The following COBL variants were observed in gnomAD, a reference collection of about 807,000 sequenced individuals.
COBL encodes cordon-bleu WH2 repeat protein, also known as protein cordon-bleu.
In COBL, 51 loss-of-function variants were observed where a neutral mutation model predicts 98.8. That is an observed-to-expected ratio of 0.52 (90% CI 0.41 to 0.65). The LOEUF (loss-of-function observed/expected upper bound fraction) is 0.65, where lower values mean the gene tolerates loss of function less well. Among genes scored for constraint, COBL ranks in the 30% least tolerant of loss-of-function variants. The pLI is 0.00. For missense variants in COBL, 1,617 were observed against 1,617.5 expected, an observed-to-expected ratio of 1.00 and a Z score of 0.01; for synonymous variants, 634 against 651.7, an observed-to-expected ratio of 0.97 and a Z score of 0.41.
At chr7:51,106,745 T>C in intron 6 of COBL, among the ~76,000 whole-genome samples, 1 of 152,172 alleles carries the variant, frequency 6.6e-6, no homozygotes, top group African/African-American at 2.4e-5. Context: ...TCTTCACAGG[T>C]GGGCACAGGC....
At chr7:51,189,408 C>T (rs1025416735) in intron 4 of COBL, among the ~76,000 whole-genome samples, 4 of 152,018 alleles carry the variant, frequency 2.6e-5, no homozygotes, top group South Asian at 2.1e-4. Context: ...CCAAGGCAGG[C>T]GGATCACCTG....
At chr7:51,054,704 T>G (rs1413469712) in intron 7 of COBL, among the ~76,000 whole-genome samples, 1 of 152,152 alleles carries the variant, frequency 6.6e-6, no homozygotes, top group Non-Finnish European at 1.5e-5. Flanking sequence ...CAGCTCTCCC[T>G]CACGCTTCTG....
chr7:51,224,616 A>T (rs1446866947), intron 1 of COBL, among the ~76,000 whole-genome samples: 1 of 152,136 alleles, frequency 6.6e-6, no homozygotes, highest in Non-Finnish European at 1.5e-5. Context: ...ACGCTAAAAC[A>T]GCATGCCCGG....
intron 5 of COBL, among the ~76,000 whole-genome samples, chr7:51,144,087 C>A (rs538898708): frequency 1.3e-4 from 20 of 152,066 alleles, no homozygotes; most frequent in Non-Finnish European, 2.8e-4. Context: ...TGGGACTGTC[C>A]CAGGCTAGCA....
Position 51,233,225 on chromosome 7 carries a change from T to G in COBL, c.42-13281A>C, listed in dbSNP as rs1431772049. Among the ~76,000 whole-genome samples, 24 of 152,348 alleles carry G rather than the reference T, an allele frequency of 1.6e-4. No individual in the cohort carries two copies. The East Asian group carries it at 4.6e-3, about 29-fold the overall frequency. On this transcript the variant is annotated intron_variant, in intron 1 of 12. Coordinates refer to ENST00000265136, the MANE Select transcript of COBL (RefSeq NM_015198.5). ...TCCATGAGCATCTGCAGAGACAGGC[T>G]GGCCAAATCAGTGCTGCCTTCAGCT...
intron 6 of COBL, among the ~76,000 whole-genome samples, chr7:51,112,469 C>G (rs1046205586): frequency 6.6e-6 from 1 of 152,200 alleles, no homozygotes; most frequent in Non-Finnish European, 1.5e-5. Context: ...GATCAATGAG[C>G]ACTGTTTCCT....
At chr7:51,117,451 C>T (rs896734525) in intron 6 of COBL, among the ~76,000 whole-genome samples, 3 of 152,018 alleles carry the variant, frequency 2.0e-5, no homozygotes, top group African/African-American at 7.2e-5. Context: ...TTCAACTTCA[C>T]TGCCTTTTTC....
Position 51,106,999 on chromosome 7 carries a change from T to C in COBL, c.958-21695A>G, listed in dbSNP as rs529496750. 1.9e-4 allele frequency among the ~76,000 whole-genome samples: 29 copies of C among 152,102 alleles called. No homozygotes were observed. In the South Asian group the frequency reaches 6.0e-3, roughly 32 times the overall value. Reference sequence around the variant, plus strand: ...TTATGATACAAAGTTGATGTTATGATCTGTAAATACAATGTAGAATAATTA... The same window carrying C: ...TTATGATACAAAGTTGATGTTATGACCTGTAAATACAATGTAGAATAATTA... On this transcript the variant is annotated intron_variant, in intron 6 of 12. Coordinates refer to ENST00000265136, the MANE Select transcript of COBL (RefSeq NM_015198.5).
At chr7:51,117,000 T>C (rs916613425) in intron 6 of COBL, among the ~76,000 whole-genome samples, 1 of 152,098 alleles carries the variant, frequency 6.6e-6, no homozygotes, top group Non-Finnish European at 1.5e-5. Flanking sequence ...TTGTTACATA[T>C]GTACACATGT....
At chr7:51,172,609 C>G (rs1040058309) in intron 5 of COBL, 1 of 1,047,874 alleles carries the variant, frequency 9.5e-7, no homozygotes, top group African/African-American at 1.7e-5. Context: ...ATCATTAAGG[C>G]AAAAATGCCA....
intron 2 of COBL, among the ~76,000 whole-genome samples, chr7:51,210,973 C>T (rs1792365529): frequency 6.6e-6 from 1 of 152,176 alleles, no homozygotes; most frequent in African/African-American, 2.4e-5. Flanking sequence ...ACAGCTGCTG[C>T]CTACTCTCTG....
chr7:51,111,031 C>A (rs1260078723), intron 6 of COBL, among the ~76,000 whole-genome samples: 2 of 152,186 alleles, frequency 1.3e-5, no homozygotes, highest in Non-Finnish European at 2.9e-5. Context: ...ATAATGACTT[C>A]TTTTCCTCTG....
intron 5 of COBL, among the ~76,000 whole-genome samples, chr7:51,138,261 T>C (rs1799420664): frequency 6.6e-6 from 1 of 152,222 alleles, no homozygotes; most frequent in African/African-American, 2.4e-5. Context: ...ATGTAAATTG[T>C]TCCCTTGAGT....
intron 7 of COBL, among the ~76,000 whole-genome samples, chr7:51,057,340 A>G (rs1314601393): frequency 6.6e-6 from 1 of 152,158 alleles, no homozygotes; most frequent in African/African-American, 2.4e-5. Context: ...ACATACACAC[A>G]CACACACACA....
At chr7:51,145,988 C>A (rs913783037) in intron 5 of COBL, among the ~76,000 whole-genome samples, 10 of 152,028 alleles carry the variant, frequency 6.6e-5, no homozygotes, top group African/African-American at 2.4e-4. Flanking sequence ...CTGACCATCA[C>A]AGCACACTGC....
intron 1 of COBL, among the ~76,000 whole-genome samples, chr7:51,221,855 A>G (rs1457581130): frequency 6.6e-6 from 1 of 152,234 alleles, no homozygotes; most frequent in East Asian, 1.9e-4. Flanking sequence ...CATTCATGTC[A>G]CTGGTTAATG....
rs1268607167 is a variant in COBL at position 51,316,761 on chromosome 7, G to A, written c.-128C>T. On this transcript the variant is annotated 5_prime_UTR_variant, in exon 1 of 13. Coordinates refer to ENST00000265136, the MANE Select transcript of COBL (RefSeq NM_015198.5). ...CCATCGTCCTCCCACGCGGGCCGGC[G>A]GAGGACAGCGGCGGAGCGCGGCGGA... 11 of 735,954 alleles carry A rather than the reference G, an allele frequency of 1.5e-5. No homozygotes were observed. Among genetic ancestry groups the A allele is most frequent in the African/African-American group, 1.9e-5 (1 of 53,572 alleles). The allele number at this position is 735,954 out of a possible 1,614,324, so 45.6% of individuals were successfully genotyped here. A position where few individuals can be genotyped will look rare whatever the true frequency, so the allele number is the denominator to read the frequency against.
Position 51,016,734 on chromosome 7 carries a change from G to A in COBL, c.*817C>T, listed in dbSNP as rs1385818494. On this transcript the variant is annotated 3_prime_UTR_variant, in exon 13 of 13. Transcript: ENST00000265136. ...GCTCCCAGTGAAGTCATCAGGCTCC[G>A]TACACAGGCACCGTGGGGGAGGCCT... The A allele has an allele frequency of 4.4e-5, 17 of 387,340 alleles. No homozygotes were observed. Among genetic ancestry groups the A allele is most frequent in the African/African-American group, 8.3e-5 (4 of 48,434 alleles). The allele number at this position is 387,340 out of a possible 1,614,324, so 24.0% of individuals were successfully genotyped here. A position where few individuals can be genotyped will look rare whatever the true frequency, so the allele number is the denominator to read the frequency against.
intron 12 of COBL, among the ~76,000 whole-genome samples, chr7:51,020,660 G>A (rs1308057526): frequency 6.6e-6 from 1 of 152,028 alleles, no homozygotes; most frequent in East Asian, 1.9e-4. Flanking sequence ...ACTGAGTGTG[G>A]GGTGGGGGCA....
Sources: gnomAD v4.1 joint callset for allele counts (sites outside exome capture counted in the v4.1 genomes callset) on GRCh38, gnomAD v4.1.1 for gene constraint, MANE v1.5 for transcripts, NCBI Gene and HGNC (gene_info 2026-07-23, HGNC 2026-07-21) for gene names.